Variants in MYO9B observed in about 807,000 individuals in gnomAD.
The protein encoded by MYO9B is myosin IXB.
In MYO9B, 71 loss-of-function variants were observed where a neutral mutation model predicts 229.5. That is an observed-to-expected ratio of 0.31 (90% confidence interval 0.26 to 0.38). MYO9B has a LOEUF of 0.38. Ranked by LOEUF, MYO9B falls within the 10% of genes least tolerant of loss-of-function variation. The pLI is 1.00. For synonymous variants in MYO9B, 1,185 were observed against 1,235.8 expected (o/e 0.96, Z 0.86); for missense variants, 2,255 against 2,920.5 (o/e 0.77, Z 5.25).
intron 2 of MYO9B, among the ~76,000 whole-genome samples, chr19:17,133,854 A>G (rs908854120): frequency 1.3e-5 from 2 of 151,968 alleles, no homozygotes; most frequent in African/African-American, 2.4e-5. Flanking sequence ...TCCGCCTCCC[A>G]GGTTCACACC....
chr19:17,208,350 A>AG (rs1411345183), intron 35 of MYO9B, among the ~76,000 whole-genome samples: 1 of 106,356 alleles, frequency 9.4e-6, no homozygotes, highest in Non-Finnish European at 1.8e-5. Context: ...AAAAAAAAAA[A>AG]AAAATCCAGA....
intron 1 of MYO9B, among the ~76,000 whole-genome samples, chr19:17,090,599 GA>G (rs898239811): frequency 1.3e-5 from 2 of 152,170 alleles, no homozygotes; most frequent in African/African-American, 2.4e-5. Context: ...TTCATTTGGT[GA>G]CAAGGGGATT....
chr19:17,197,673 T>C, intron 22 of MYO9B, 119 bp from the exon 23 acceptor site: 1 of 1,153,164 alleles, frequency 8.7e-7, no homozygotes, highest in Non-Finnish European at 1.3e-6. Context: ...CTCTAGACAT[T>C]GCCAAGTGTC....
chr19:17,132,494 T>C (rs2072210839), intron 2 of MYO9B, among the ~76,000 whole-genome samples: 1 of 145,218 alleles, frequency 6.9e-6, no homozygotes, highest in African/African-American at 2.5e-5. Context: ...CCTTATTTTA[T>C]TTCTTATTTA....
In MYO9B at chr19:17,149,389, G is replaced by T. The variant is rs549248479; in HGVS notation, c.936-3255G>T. ...GGCCTGGCCCAGCCCATAGCTAAATGGTTTAGCCTCCCCGACCTTCCCCAG... is the reference window on the plus strand; with the variant it reads ...GGCCTGGCCCAGCCCATAGCTAAATTGTTTAGCCTCCCCGACCTTCCCCAG... On this transcript the variant is annotated intron_variant, in intron 3 of 39. Coordinates refer to ENST00000682292, the MANE Select transcript of MYO9B (RefSeq NM_004145.4). Among the ~76,000 whole-genome samples, 31 of 152,272 alleles carry T rather than the reference G, an allele frequency of 2.0e-4. No individual in the cohort carries two copies. In the South Asian group the frequency reaches 6.2e-3, roughly 31 times the overall value.
intron 1 of MYO9B, among the ~76,000 whole-genome samples, chr19:17,079,865 C>T (rs539898357): frequency 6.6e-6 from 1 of 152,334 alleles, no homozygotes; most frequent in East Asian, 1.9e-4. Context: ...CAAGACAAGC[C>T]CTTCTCTTCT....
chr19:17,201,815 AG>A, intron 26 of MYO9B, 110 bp from the exon 27 acceptor site: 6 of 752,524 alleles, frequency 8.0e-6, no homozygotes, highest in Non-Finnish European at 1.3e-5. Flanking sequence ...TTTTATCCCG[AG>A]AGCCTAGGGG....
At chr19:17,178,205 G>A (rs1242235890) in intron 14 of MYO9B, among the ~76,000 whole-genome samples, 1 of 152,232 alleles carries the variant, frequency 6.6e-6, no homozygotes, top group Non-Finnish European at 1.5e-5. Context: ...GGGCTGGGGA[G>A]AGCAGGTAAG....
chr19:17,139,609 G>A (rs150583694), intron 2 of MYO9B, among the ~76,000 whole-genome samples: 75 of 152,080 alleles, frequency 4.9e-4, no homozygotes, highest in African/African-American at 1.8e-3. Context: ...GTGCTGACAC[G>A]TGCCTGTAGT....
chr19:17,208,682 C>T (rs1208741420), intron 35 of MYO9B, among the ~76,000 whole-genome samples: 2 of 152,114 alleles, frequency 1.3e-5, no homozygotes, highest in Non-Finnish European at 2.9e-5. Context: ...CCGCCGTGAG[C>T]CACCGCTTCC....
At chr19:17,203,017 T>C in intron 29 of MYO9B, 130 bp from the exon 30 acceptor site, 2 of 1,388,256 alleles carry the variant, frequency 1.4e-6, no homozygotes, top group Non-Finnish European at 9.9e-7. Context: ...GAGTGTGTTT[T>C]TCCCCCGGCA....
chr19:17,209,319 T>C (rs1370120734), intron 35 of MYO9B, among the ~76,000 whole-genome samples: 1 of 152,190 alleles, frequency 6.6e-6, no homozygotes, highest in Non-Finnish European at 1.5e-5. Flanking sequence ...GGCAGGATAA[T>C]TCCCACCCTA....
rs35458733 is a variant in MYO9B, at chr19:17,194,798, A to G, written c.3371A>G (p.Glu1124Gly). The G allele has an allele frequency of 3.0e-3, 4,862 of 1,613,422 alleles. 12 individuals carry two copies. The highest frequency in any genetic ancestry group is 3.4e-3 in the Non-Finnish European group (3,996 of 1,179,890). The change falls in exon 22 of 40, where the codon GAG (glutamate) becomes GGG (glycine). Residue 1124 changes from glutamate to glycine, a missense_variant. By Grantham distance (98) the Glu-to-Gly change is moderately conservative (BLOSUM62 -2). Around this residue, in one of 7 missense-constraint regions of MYO9B, gnomAD observed 679 missense variants for 770.2 expected, o/e 0.88. Transcript: ENST00000682292. ...CCTGAGAAGGAGGCCCCAAGCCCAG[A>G]GAAGACTCTCCCACCCCAGAAAACC... is the stretch of plus-strand genomic sequence containing the variant. ...SSPEKEAPSP[E>G]KTLPPQKTVA...
At chr19:17,197,524 A>G (rs2073059283) in intron 22 of MYO9B, among the ~76,000 whole-genome samples, 3 of 152,154 alleles carry the variant, frequency 2.0e-5, no homozygotes, top group Admixed American at 1.3e-4. Flanking sequence ...CACACTCAAC[A>G]TCTGGGGCTG....
chr19:17,086,469 T>C (rs1381925723), intron 1 of MYO9B, among the ~76,000 whole-genome samples: 4 of 152,322 alleles, frequency 2.6e-5, no homozygotes, highest in African/African-American at 4.8e-5. Context: ...CCGGCTCGTA[T>C]TGGGGCCAAT....
At chr19:17,133,782 C>T (rs1364524876) in intron 2 of MYO9B, among the ~76,000 whole-genome samples, 1 of 142,606 alleles carries the variant, frequency 7.0e-6, no homozygotes. Flanking sequence ...TTTTCTGAGG[C>T]GGAGGTCTCG....
chr19:17,086,276 G>A (rs1027707309), intron 1 of MYO9B, among the ~76,000 whole-genome samples: 12 of 152,056 alleles, frequency 7.9e-5, no homozygotes, highest in African/African-American at 2.7e-4. Context: ...TGGACCCACC[G>A]GCCACACTGG....
chr19:17,088,694 TGTGTGAG>T (rs2057607669), intron 1 of MYO9B, among the ~76,000 whole-genome samples: 2 of 152,104 alleles, frequency 1.3e-5, no homozygotes, highest in South Asian at 2.1e-4. Context: ...TATTTGTGTG[TGTGTGAG>T]AGAGAGAGAA....
Position 17,191,226 on chromosome 19 carries a change from G to C in MYO9B, c.2811+7G>C, listed in dbSNP as rs764347728. ...CCAGATCGGGAAGACCAAGGTCAGCGCTCCTGCCCCTCGGGGCACTACAAA... is the reference window on the plus strand; with the variant it reads ...CCAGATCGGGAAGACCAAGGTCAGCCCTCCTGCCCCTCGGGGCACTACAAA... On this transcript the variant is annotated splice_region_variant and intron_variant, in intron 20 of 39. Transcript: ENST00000682292. The C allele has an allele frequency of 6.2e-7, 1 of 1,610,186 alleles. No individual in the cohort carries two copies. Among genetic ancestry groups the C allele is most frequent in the East Asian group, 2.2e-5 (1 of 44,754 alleles).
Sources: gnomAD v4.1 joint callset for allele counts (sites outside exome capture counted in the v4.1 genomes callset) on GRCh38, gnomAD v4.1.1 for gene constraint, gnomAD v4.1.1 regional missense constraint, MANE v1.5 for transcripts, NCBI Gene and HGNC (gene_info 2026-07-23, HGNC 2026-07-21) for gene names.